NAA50: variants seen among roughly 807,000 people sequenced by gnomAD.
NAA50 encodes the protein N-alpha-acetyltransferase 50.
A neutral mutation model predicts 20.7 loss-of-function variants in NAA50; 7 were observed. The observed-to-expected ratio is 0.34, with a 90% CI of 0.19 to 0.63. The LOEUF (loss-of-function observed/expected upper bound fraction) is 0.63, where lower values mean the gene tolerates loss of function less well. Among genes scored for constraint, NAA50 ranks in the 30% least tolerant of loss-of-function variants. The pLI, the probability that NAA50 is intolerant of heterozygous loss-of-function variation, is 0.75. For missense variants in NAA50, 111 were observed against 199.1 expected (o/e 0.56, Z 2.66); for synonymous variants, 54 against 70.6 (o/e 0.77, Z 1.18).
chr3:113,730,406 T>C (rs1708257208), intron 1 of NAA50, among the ~76,000 whole-genome samples: 1 of 152,086 alleles, frequency 6.6e-6, no homozygotes, highest in African/African-American at 2.4e-5. Context: ...TTTTCCTGCC[T>C]TTTATGGGCA....
chr3:113,723,223 C>T (rs984337547), intron 3 of NAA50, among the ~76,000 whole-genome samples, 199 bp downstream of exon 3: 2 of 152,092 alleles, frequency 1.3e-5, no homozygotes, highest in African/African-American at 2.4e-5. Flanking sequence ...CAGAAGGGGA[C>T]GTAAACAGCA....
intron 1 of NAA50, among the ~76,000 whole-genome samples, chr3:113,731,559 A>G (rs1708273715): frequency 1.3e-5 from 2 of 152,142 alleles, no homozygotes; most frequent in African/African-American, 4.8e-5. Context: ...TGCAACTATC[A>G]TTGCAATTCA....
At chr3:113,722,088 T>C (rs1007051617) in intron 4 of NAA50, 151 bp from the exon 5 acceptor site, 8 of 681,800 alleles carry the variant, frequency 1.2e-5, no homozygotes, top group Non-Finnish European at 1.9e-5. Flanking sequence ...TAAAACCTTT[T>C]GATGACAATT....
At chr3:113,735,410 C>A (rs886938382) in intron 1 of NAA50, among the ~76,000 whole-genome samples, 1 of 152,154 alleles carries the variant, frequency 6.6e-6, no homozygotes, top group South Asian at 2.1e-4. Flanking sequence ...AAATTTCCCA[C>A]GGCATGTGCG....
intron 1 of NAA50, among the ~76,000 whole-genome samples, chr3:113,737,538 C>T (rs1442607145): frequency 6.6e-6 from 1 of 152,192 alleles, no homozygotes; most frequent in Non-Finnish European, 1.5e-5. Flanking sequence ...GGCACCTCTG[C>T]CCTGCTACAA....
chr3:113,731,990 A>T lies in NAA50; in HGVS notation c.9-7895T>A, dbSNP rs148843573. 1.9e-3 allele frequency among the ~76,000 whole-genome samples: 295 copies of T among 152,212 alleles called. 4 individuals carry two copies. Among genetic ancestry groups the T allele is most frequent in the East Asian group, 9.6e-4 (5 of 5,188 alleles). ...TTTCTGGTAGATAACTGGAAGTGGG[A>T]TTGCTAGGTTGTATGACAAATATTT... On this transcript the variant is annotated intron_variant, in intron 1 of 4. Transcript: ENST00000240922.
At chr3:113,725,350 C>T (rs1044709738) in intron 1 of NAA50, among the ~76,000 whole-genome samples, 4 of 152,040 alleles carry the variant, frequency 2.6e-5, no homozygotes, top group Admixed American at 6.6e-5. Flanking sequence ...TATTTAACAA[C>T]GGACTTTTGT....
rs903034292 is a variant in NAA50, at chr3:113,719,663, T to C, written c.*2097A>G. On this transcript the variant is annotated 3_prime_UTR_variant, in exon 5 of 5. Coordinates refer to ENST00000240922, the MANE Select transcript of NAA50 (RefSeq NM_025146.4). ...GAAAAAGAAACTCTATATATAATGA[T>C]AGGGAGCCTACACACTCAATTCAAA... is the stretch of plus-strand genomic sequence containing the variant. 1 of 152,500 alleles carries C rather than the reference T, an allele frequency of 6.6e-6. No individual in the cohort carries two copies. The highest frequency in any genetic ancestry group is 1.5e-5 in the Non-Finnish European group (1 of 68,018). 9.4% of individuals were successfully genotyped at this position (152,500 alleles called of 1,614,324 possible). A position where few individuals can be genotyped will look rare whatever the true frequency, so the allele number is the denominator to read the frequency against.
At chr3:113,731,171 C>G (rs1016347193) in intron 1 of NAA50, among the ~76,000 whole-genome samples, 1 of 152,058 alleles carries the variant, frequency 6.6e-6, no homozygotes, top group African/African-American at 2.4e-5. Flanking sequence ...GATTTCTTGT[C>G]AATTTTTTAA....
intron 1 of NAA50, among the ~76,000 whole-genome samples, chr3:113,734,034 T>C (rs2107991341): frequency 6.6e-6 from 1 of 152,284 alleles, no homozygotes; most frequent in South Asian, 2.1e-4. Context: ...TCCTACTTAC[T>C]GTAGTTGATT....
At chr3:113,741,076 T>C (rs1708407302) in intron 1 of NAA50, 1 of 516,914 alleles carries the variant, frequency 1.9e-6, no homozygotes, top group Admixed American at 2.4e-5. Flanking sequence ...GCTGTCCACA[T>C]ACAGCATTAA....
chr3:113,743,521 T>C (rs528416082), intron 1 of NAA50, among the ~76,000 whole-genome samples: 53 of 152,354 alleles, frequency 3.5e-4, no homozygotes, highest in African/African-American at 1.2e-3. Flanking sequence ...TATACTGTTG[T>C]AGGTTCAGTA....
rs1708099386 is a variant in NAA50, at chr3:113,719,024, G to GT, written c.*2735dup. On this transcript the variant is annotated 3_prime_UTR_variant, in exon 5 of 5. Transcript: ENST00000240922. ...AACATCACATAAGTTTATTTCAGAT[G>GT]TAACAGCAATGTTAAAATTGACAAG... The GT allele has an allele frequency of 6.6e-6, 1 of 152,612 alleles. No individual in the cohort carries two copies. Among genetic ancestry groups the GT allele is most frequent in the Admixed American group, 6.5e-5 (1 of 15,280 alleles). 9.5% of individuals were successfully genotyped at this position (152,612 alleles called of 1,614,324 possible). A position where few individuals can be genotyped will look rare whatever the true frequency, so the allele number is the denominator to read the frequency against.
chr3:113,735,783 A>G (rs1708333371), intron 1 of NAA50, among the ~76,000 whole-genome samples: 1 of 152,210 alleles, frequency 6.6e-6, no homozygotes, highest in Admixed American at 6.5e-5. Context: ...TCCCAGGTTC[A>G]AGCGATTCTC....
intron 1 of NAA50, among the ~76,000 whole-genome samples, chr3:113,727,627 A>G (rs910960055): frequency 6.6e-6 from 1 of 151,806 alleles, no homozygotes; most frequent in Admixed American, 6.6e-5. Context: ...AAAAAAATAC[A>G]TGCCTTTTTT....
At position 113,719,033 on chromosome 3, in the gene NAA50, A is replaced by C. The variant is rs1458382707; in HGVS notation, c.*2727T>G. ...TAAGTTTATTTCAGATGTAACAGCA[A>C]TGTTAAAATTGACAAGTTTAATTCT... On this transcript the variant is annotated 3_prime_UTR_variant, in exon 5 of 5. Transcript: ENST00000240922. The C allele has an allele frequency of 6.5e-6, 1 of 152,676 alleles. No homozygotes were observed. The highest frequency in any genetic ancestry group is 1.9e-4 in the East Asian group (1 of 5,208). 9.5% of individuals were successfully genotyped at this position (152,676 alleles called of 1,614,324 possible).
At chr3:113,723,343 T>C in intron 3 of NAA50, 79 bp downstream of exon 3, 1 of 1,379,270 alleles carries the variant, frequency 7.3e-7, no homozygotes. Context: ...AAGACCCAAA[T>C]TAACTTACTA....
rs766923145 is a variant in NAA50 at position 113,721,800 on chromosome 3, G to A, written c.470C>T (p.Pro157Leu). The A allele has an allele frequency of 1.9e-5, 30 of 1,613,808 alleles. No individual in the cohort carries two copies. Among genetic ancestry groups the A allele is most frequent in the Non-Finnish European group, 2.5e-5 (30 of 1,179,866 alleles). The change falls in exon 5 of 5, where the codon CCT becomes CTT. Residue 157 changes from proline (P) to leucine (L), a missense_variant. Physicochemically the swap from Pro to Leu is moderately conservative, Grantham distance 98. Coordinates refer to ENST00000240922, the MANE Select transcript of NAA50 (RefSeq NM_025146.4). ...AHVLQKNLKVPSGQNADVQKT... is the reference protein window; with the variant it reads ...AHVLQKNLKVLSGQNADVQKT... ...TTGCACATCTGCATTCTGACCAGAA[G>A]GAACTTTGAGGTTTTTCTGCAGCAC...
In NAA50 at chr3:113,735,467, G is replaced by A. The variant is rs906908610; in HGVS notation, c.8+10475C>T. Among the ~76,000 whole-genome samples the A allele has an allele frequency of 5.3e-5, 8 of 152,202 alleles. No individual in the cohort carries two copies. In the South Asian group the frequency reaches 1.4e-3, roughly 28 times the overall value. On this transcript the variant is annotated intron_variant, in intron 1 of 4. Transcript: ENST00000240922. The stretch of plus-strand genomic sequence containing the variant: ...TCTGCTGAGGGAAACAAGGGCTAAG[G>A]ATGGGCATAGAGAACGGGTCATTGG...
Sources: allele counts gnomAD v4.1 joint callset (sites outside exome capture counted in the v4.1 genomes callset), GRCh38; gene constraint gnomAD v4.1.1; transcripts MANE v1.5; gene names NCBI Gene and HGNC (gene_info 2026-07-23, HGNC 2026-07-21).